The following ANKS1B variants were observed in gnomAD, a reference collection of about 807,000 sequenced individuals.
ANKS1B encodes the protein ankyrin repeat and sterile alpha motif domain-containing protein 1B.
In ANKS1B, 36 loss-of-function variants were observed where a neutral mutation model predicts 148.3. The ratio of observed to expected loss-of-function variants is 0.24; its 90% CI spans 0.19 to 0.32. The LOEUF is 0.32. Among genes scored for constraint, ANKS1B ranks in the 10% least tolerant of loss-of-function variants. The probability of loss-of-function intolerance (pLI) is 1.00; values close to 1 mark genes in which losing one functional copy is unlikely to be tolerated. For synonymous variants in ANKS1B, 542 were observed against 560.8 expected (o/e 0.97, Z 0.47); for missense variants, 1,157 against 1,542.6 (o/e 0.75, Z 4.19).
chr12:99,639,390 C>A (rs2098278399), intron 9 of ANKS1B, among the ~76,000 whole-genome samples: 1 of 152,118 alleles, frequency 6.6e-6, no homozygotes, highest in African/African-American at 2.4e-5. Context: ...GGACTGTGGA[C>A]TTTTGAGTAA....
At chr12:99,710,407 G>C (rs1474956092) in intron 8 of ANKS1B, among the ~76,000 whole-genome samples, 1 of 152,110 alleles carries the variant, frequency 6.6e-6, no homozygotes, top group African/African-American at 2.4e-5. Flanking sequence ...TTCTGAGTCT[G>C]CTTGAGTAAC....
intron 12 of ANKS1B, among the ~76,000 whole-genome samples, chr12:99,267,182 A>G (rs886130522): frequency 6.6e-6 from 1 of 152,196 alleles, no homozygotes; most frequent in Non-Finnish European, 1.5e-5. Context: ...CACCATCCAG[A>G]CTAGTTTGAC....
chr12:99,165,227 A>G (rs1259163587), intron 14 of ANKS1B, among the ~76,000 whole-genome samples: 1 of 151,978 alleles, frequency 6.6e-6, no homozygotes, highest in Non-Finnish European at 1.5e-5. Context: ...AAGAAATGAA[A>G]GTAAGAAGAA....
At chr12:99,739,182 C>T (rs934511661) in intron 8 of ANKS1B, among the ~76,000 whole-genome samples, 1 of 151,466 alleles carries the variant, frequency 6.6e-6, no homozygotes, top group African/African-American at 2.4e-5. Flanking sequence ...CTAATTCTAC[C>T]CTAACTTTAT....
At chr12:99,735,333 GC>G (rs1393898494) in intron 8 of ANKS1B, among the ~76,000 whole-genome samples, 2 of 152,076 alleles carry the variant, frequency 1.3e-5, no homozygotes, top group African/African-American at 4.8e-5. Flanking sequence ...TGAAAAGTTG[GC>G]TTTTCAAAAA....
chr12:99,504,354 G>A, intron 10 of ANKS1B, 122 bp downstream of exon 10: 2 of 979,614 alleles, frequency 2.0e-6, no homozygotes, highest in Non-Finnish European at 3.0e-6. Flanking sequence ...AATAATTATT[G>A]GAACTACATT....
chr12:99,737,538 A>AC (rs2059722886), intron 8 of ANKS1B, among the ~76,000 whole-genome samples: 1 of 152,074 alleles, frequency 6.6e-6, no homozygotes, highest in South Asian at 2.1e-4. Flanking sequence ...TCTTTTCCCC[A>AC]TGCTTAAAAC....
At chr12:99,725,536 C>T (rs867910784) in intron 8 of ANKS1B, among the ~76,000 whole-genome samples, 6 of 152,300 alleles carry the variant, frequency 3.9e-5, no homozygotes, top group Non-Finnish European at 5.9e-5. Context: ...GAGACTTAGA[C>T]TCCCACACAA....
intron 1 of ANKS1B, among the ~76,000 whole-genome samples, chr12:99,894,495 C>T (rs34847120): frequency 0.21 from 24,848 of 116,316 alleles, 2,721 homozygotes; most frequent in Middle Eastern, 0.33. Flanking sequence ...AGCAACAGAG[C>T]GGGACCCTGT....
intron 1 of ANKS1B, among the ~76,000 whole-genome samples, chr12:99,875,056 G>A (rs765666139): frequency 1.3e-5 from 2 of 152,130 alleles, no homozygotes; most frequent in Non-Finnish European, 2.9e-5. Flanking sequence ...CAGAGGGGGA[G>A]AGAGGCAGAT....
chr12:99,499,240 G>T (rs1159504965), intron 10 of ANKS1B, among the ~76,000 whole-genome samples: 1 of 151,910 alleles, frequency 6.6e-6, no homozygotes, highest in Non-Finnish European at 1.5e-5. Flanking sequence ...TTAAATTCTG[G>T]ACTCCTTTAC....
chr12:99,776,154 A>G (rs543506388), intron 6 of ANKS1B, among the ~76,000 whole-genome samples: 2 of 152,342 alleles, frequency 1.3e-5, no homozygotes, highest in African/African-American at 4.8e-5. Flanking sequence ...TAACATAAGC[A>G]TAATTTGCAT....
At chr12:99,779,479 G>T (rs1661685265) in intron 6 of ANKS1B, among the ~76,000 whole-genome samples, 1 of 152,044 alleles carries the variant, frequency 6.6e-6, no homozygotes, top group African/African-American at 2.4e-5. Context: ...ACTTCATAGG[G>T]TCATAGAAAC....
chr12:99,465,827 C>T (rs1420913862), intron 10 of ANKS1B, among the ~76,000 whole-genome samples: 3 of 152,108 alleles, frequency 2.0e-5, no homozygotes, highest in East Asian at 3.9e-4. Context: ...GACTTAGACT[C>T]CCACACAATA....
At position 99,568,477 on chromosome 12, in the gene ANKS1B, G is replaced by T. The variant is rs142656438; in HGVS notation, c.1273-63836C>A. ...CAAACTTTCAGGCATTAAGATGTGG[G>T]CATCTTTCAGGGGTCTCATTTTGGT... On this transcript the variant is annotated intron_variant, in intron 9 of 26. Transcript: ENST00000683438. Among the ~76,000 whole-genome samples the T allele has an allele frequency of 3.4e-3, 512 of 152,220 alleles. 4 individuals carry two copies. The highest frequency in any genetic ancestry group is 0.01 in the African/African-American group (424 of 41,534).
intron 25 of ANKS1B, among the ~76,000 whole-genome samples, chr12:98,756,766 T>A (rs534454864): frequency 2.9e-4 from 43 of 150,300 alleles, no homozygotes; most frequent in Admixed American, 5.3e-4. Flanking sequence ...TTGCCCTTGT[T>A]GCCCAGGCTG....
intron 9 of ANKS1B, among the ~76,000 whole-genome samples, chr12:99,543,641 G>T (rs2097147168): frequency 6.6e-6 from 1 of 152,046 alleles, no homozygotes; most frequent in African/African-American, 2.4e-5. Flanking sequence ...AAGGAATGAA[G>T]TACTGATATA....
intron 17 of ANKS1B, among the ~76,000 whole-genome samples, chr12:98,853,369 T>C (rs1490920568): frequency 6.6e-6 from 1 of 152,180 alleles, no homozygotes; most frequent in Non-Finnish European, 1.5e-5. Context: ...GCTTCCTCCT[T>C]GTTCTGCAAA....
intron 14 of ANKS1B, among the ~76,000 whole-genome samples, chr12:99,156,638 C>A (rs1484263919): frequency 7.2e-5 from 11 of 152,290 alleles, no homozygotes; most frequent in Admixed American, 2.0e-4. Flanking sequence ...ACATTTCTGT[C>A]CATTTGTTGG....
Sources: allele counts gnomAD v4.1 joint callset (sites outside exome capture counted in the v4.1 genomes callset), GRCh38; gene constraint gnomAD v4.1.1; transcripts MANE v1.5; gene names NCBI Gene and HGNC (gene_info 2026-07-23, HGNC 2026-07-21).